ADD2: variants seen among roughly 807,000 people sequenced by gnomAD.
The protein encoded by ADD2 is adducin 2.
In ADD2, 23 loss-of-function variants were observed where a neutral mutation model predicts 83.0. The ratio of observed to expected loss-of-function variants is 0.28; its 90% CI spans 0.20 to 0.39. The LOEUF (loss-of-function observed/expected upper bound fraction) is 0.39, where lower values mean the gene tolerates loss of function less well. ADD2 is among the 10% of genes least tolerant of loss of function. The pLI, the probability that ADD2 is intolerant of heterozygous loss-of-function variation, is 1.00. For missense variants in ADD2, 758 were observed against 944.9 expected (o/e 0.80, Z 2.59); for synonymous variants, 375 against 375.4 (o/e 1.00, Z 0.01).
chr2:70,672,816 C>A, intron 15 of ADD2, 62 bp downstream of exon 15: 3 of 1,524,428 alleles, frequency 2.0e-6, no homozygotes, highest in South Asian at 1.3e-5. Flanking sequence ...GAAGGCAGGG[C>A]ACCTTCCCAG....
Position 70,677,743 on chromosome 2 carries a change from ACAGACCC to A in ADD2, c.1503+8_1503+14del. On this transcript the variant is annotated splice_region_variant and intron_variant, in intron 12 of 15. Transcript: ENST00000264436. Reference sequence around the variant, plus strand: ...TGTGGGAGAAGAAAGAGTGGGATAAACAGACCCCACTTACCTTGTTCCTCATCTCCAG... The same window carrying A: ...TGTGGGAGAAGAAAGAGTGGGATAAACACTTACCTTGTTCCTCATCTCCAG... 6.2e-7 allele frequency: 1 copy of A among 1,613,402 alleles called. No individual in the cohort carries two copies. The highest frequency in any genetic ancestry group is 8.5e-7 in the Non-Finnish European group (1 of 1,179,456).
intron 1 of ADD2, chr2:70,767,618 G>C (rs1675473672): frequency 2.3e-6 from 3 of 1,277,138 alleles, no homozygotes; most frequent in East Asian, 6.2e-5. Context: ...CAGGCGTTAC[G>C]CTCCGGGCGA....
chr2:70,663,850 A>G, intron 15 of ADD2, 115 bp from the exon 16 acceptor site: 2 of 1,147,356 alleles, frequency 1.7e-6, no homozygotes, highest in Non-Finnish European at 2.4e-6. Flanking sequence ...GAGCGAGGGG[A>G]GGGCCAGCCT....
At chr2:70,667,807 C>A (rs1400656306) in intron 15 of ADD2, among the ~76,000 whole-genome samples, 1 of 152,044 alleles carries the variant, frequency 6.6e-6, no homozygotes, top group Non-Finnish European at 1.5e-5. Flanking sequence ...TTAGTAGAGA[C>A]AGGGTTTCAC....
intron 1 of ADD2, among the ~76,000 whole-genome samples, chr2:70,754,169 A>G (rs1553383429): frequency 6.6e-6 from 1 of 152,180 alleles, no homozygotes; most frequent in Non-Finnish European, 1.5e-5. Context: ...TTGGTAAACA[A>G]CACCAAGTAC....
chr2:70,767,561 G>A (rs1675468106), intron 1 of ADD2: 2 of 1,072,186 alleles, frequency 1.9e-6, no homozygotes, highest in Admixed American at 4.6e-5. Context: ...TAGGCGAGGC[G>A]AGGCTTGCCG....
At chr2:70,750,088 AG>A (rs56307202) in intron 1 of ADD2, among the ~76,000 whole-genome samples, 11,050 of 152,132 alleles carry the variant, frequency 0.073, 516 homozygotes, top group East Asian at 0.12. Context: ...TGCTCTTGAG[AG>A]GGGGGCAGAG....
intron 13 of ADD2, chr2:70,675,139 AGCCATCACTAT>A (rs1670068345): frequency 1.9e-6 from 2 of 1,055,356 alleles, no homozygotes; most frequent in Non-Finnish European, 2.3e-6. Flanking sequence ...GACACTTCCA[AGCCATCACTAT>A]GCAAATACAG....
intron 1 of ADD2, among the ~76,000 whole-genome samples, chr2:70,756,776 G>C (rs1674815058): frequency 6.6e-6 from 1 of 152,136 alleles, no homozygotes; most frequent in Admixed American, 6.6e-5. Context: ...GGCCAGAAGA[G>C]AGGTGAAGAG....
chr2:70,673,306 G>C (rs781870620), intron 14 of ADD2: 2 of 1,614,088 alleles, frequency 1.2e-6, no homozygotes, highest in Middle Eastern at 1.7e-4. Flanking sequence ...CCAGAGCCTG[G>C]CTCTCGTTCC....
chr2:70,756,573 G>C (rs77156462), intron 1 of ADD2, among the ~76,000 whole-genome samples: 3,018 of 152,264 alleles, frequency 0.02, 47 homozygotes, highest in Middle Eastern at 0.031. Context: ...AGAAACCAAC[G>C]ATGGCTAGGA....
intron 3 of ADD2, among the ~76,000 whole-genome samples, chr2:70,705,808 C>T (rs782447181): frequency 3.3e-5 from 5 of 152,158 alleles, no homozygotes; most frequent in Admixed American, 6.5e-5. Context: ...TCATTTGTCC[C>T]GACAGAAAGT....
At chr2:70,708,426 G>A (rs978619616) in intron 2 of ADD2, among the ~76,000 whole-genome samples, 9 of 152,110 alleles carry the variant, frequency 5.9e-5, no homozygotes, top group Non-Finnish European at 1.3e-4. Flanking sequence ...TGGACATCAG[G>A]ATTTTTCAAA....
At chr2:70,695,919 C>A (rs1671282420) in intron 5 of ADD2, 118 bp from the exon 6 acceptor site, 2 of 834,578 alleles carry the variant, frequency 2.4e-6, no homozygotes, top group African/African-American at 3.4e-5. Flanking sequence ...CTCTAATGAA[C>A]CCTTATCTCT....
rs1671939855 is a variant in ADD2 at position 70,706,986 on chromosome 2, C to T, written c.-34-544G>A. ...AAACCTGCACATCCTGCACACGTATCACAGAACTAAAAAGAAAAAAAAATT... is the reference window on the plus strand; with the variant it reads ...AAACCTGCACATCCTGCACACGTATTACAGAACTAAAAAGAAAAAAAAATT... On this transcript the variant is annotated intron_variant, in intron 2 of 15. Coordinates refer to ENST00000264436, the MANE Select transcript of ADD2 (RefSeq NM_001617.4). This position sits in a 1 kb window ranked among gnomAD's most constrained non-coding sequence, Gnocchi z 5.0. Among the ~76,000 whole-genome samples the T allele has an allele frequency of 6.6e-6, 1 of 152,048 alleles. No individual in the cohort carries two copies. The highest frequency in any genetic ancestry group is 6.5e-5 in the Admixed American group (1 of 15,268).
intron 1 of ADD2, among the ~76,000 whole-genome samples, chr2:70,729,742 A>G (rs1673187278): frequency 6.6e-6 from 1 of 152,178 alleles, no homozygotes; most frequent in Non-Finnish European, 1.5e-5. Flanking sequence ...CCAGTCCTTT[A>G]CACTTTCTAA....
At chr2:70,685,786 G>A (rs1215269525) in intron 9 of ADD2, among the ~76,000 whole-genome samples, 1 of 152,182 alleles carries the variant, frequency 6.6e-6, no homozygotes, top group Non-Finnish European at 1.5e-5. Context: ...GGGAGAGACT[G>A]CCCACAACCT....
intron 1 of ADD2, among the ~76,000 whole-genome samples, chr2:70,762,758 T>C (rs1574336536): frequency 6.7e-6 from 1 of 149,100 alleles, no homozygotes; most frequent in Admixed American, 6.7e-5. Context: ...CAGGCTGGAG[T>C]GCAATGGTGT....
chr2:70,702,184 T>A (rs961961687), intron 4 of ADD2, among the ~76,000 whole-genome samples: 5 of 152,260 alleles, frequency 3.3e-5, no homozygotes, highest in Non-Finnish European at 5.9e-5. Context: ...TTTGCTTTTT[T>A]GAGATGGAAT....
Sources: allele counts gnomAD v4.1 joint callset (sites outside exome capture counted in the v4.1 genomes callset), GRCh38; gene constraint gnomAD v4.1.1; non-coding constraint Gnocchi (gnomAD v3.1); transcripts MANE v1.5; gene names NCBI Gene and HGNC (gene_info 2026-07-23, HGNC 2026-07-21).